UBR3: variants seen among roughly 807,000 people sequenced by gnomAD.
UBR3 encodes the protein E3 ubiquitin-protein ligase UBR3.
UBR3 carries 85 observed loss-of-function variants against 243.2 expected under a neutral mutation model. The observed-to-expected ratio is 0.35, with a 90% CI of 0.29 to 0.42. UBR3 has a LOEUF of 0.42. Among genes scored for constraint, UBR3 ranks in the 10% least tolerant of loss-of-function variants. UBR3 has a pLI of 1.00. For missense variants in UBR3, 1,686 were observed against 2,300.8 expected (o/e 0.73, Z 5.47); for synonymous variants, 748 against 799.8 (o/e 0.94, Z 1.09).
intron 24 of UBR3, among the ~76,000 whole-genome samples, chr2:169,977,259 G>C (rs374144881): frequency 6.6e-6 from 1 of 151,974 alleles, no homozygotes; most frequent in African/African-American, 2.4e-5. Context: ...AGAGAGATAC[G>C]AAGTTCAAAA....
intron 1 of UBR3, among the ~76,000 whole-genome samples, chr2:169,860,749 A>T (rs1052932065): frequency 1.8e-4 from 28 of 152,184 alleles, no homozygotes; most frequent in African/African-American, 6.8e-4. Context: ...AACTAATAGG[A>T]TATATGGATA....
chr2:169,881,187 T>C (rs891625759), intron 5 of UBR3, among the ~76,000 whole-genome samples: 1 of 152,258 alleles, frequency 6.6e-6, no homozygotes, highest in Middle Eastern at 3.4e-3. Context: ...TTTTTATTTA[T>C]TTATTTTTTT....
chr2:169,969,207 T>G (rs10202380), intron 24 of UBR3, among the ~76,000 whole-genome samples: 219 of 152,348 alleles, frequency 1.4e-3, no homozygotes, highest in African/African-American at 5.0e-3. Context: ...TAACCCCATT[T>G]ATCTATTTTT....
At chr2:169,976,930 A>C (rs577627962) in intron 24 of UBR3, among the ~76,000 whole-genome samples, 42 of 152,050 alleles carry the variant, frequency 2.8e-4, no homozygotes, top group African/African-American at 1.0e-3. Flanking sequence ...TTTCCCCCTC[A>C]AGTAATTTTA....
chr2:169,864,748 T>C (rs1048002898), intron 1 of UBR3, among the ~76,000 whole-genome samples: 1 of 150,900 alleles, frequency 6.6e-6, no homozygotes, highest in Admixed American at 6.6e-5. Context: ...CTAAAAAAAA[T>C]ACAAAAAAAT....
intron 38 of UBR3, 75 bp from the exon 39 acceptor site, chr2:170,081,650 GA>G (rs565228040): frequency 1.0e-5 from 12 of 1,158,484 alleles, no homozygotes; most frequent in South Asian, 3.6e-5. Context: ...GACTGTCTCA[GA>G]AAAAAAAGAA....
At chr2:169,990,203 CTT>C (rs2089209567) in intron 25 of UBR3, among the ~76,000 whole-genome samples, 1 of 152,108 alleles carries the variant, frequency 6.6e-6, no homozygotes, top group South Asian at 2.1e-4. Flanking sequence ...AAATTACAGA[CTT>C]TTGATTAGGA....
At chr2:169,937,339 C>A (rs981480190) in intron 19 of UBR3, among the ~76,000 whole-genome samples, 1 of 152,192 alleles carries the variant, frequency 6.6e-6, no homozygotes, top group Admixed American at 6.5e-5. Flanking sequence ...CCTTCGCCCA[C>A]TTTTTGATGG....
At chr2:169,973,446 C>T (rs2088271129) in intron 24 of UBR3, among the ~76,000 whole-genome samples, 1 of 151,222 alleles carries the variant, frequency 6.6e-6, no homozygotes, top group African/African-American at 2.4e-5. Context: ...AAAAAAGAGC[C>T]CGCATCGCCA....
intron 31 of UBR3, among the ~76,000 whole-genome samples, chr2:170,040,076 T>C (rs1350288930): frequency 6.6e-6 from 1 of 152,046 alleles, no homozygotes; most frequent in Admixed American, 6.6e-5. Flanking sequence ...TTATCTCTTT[T>C]TGAAACTTTG....
At chr2:169,994,721 AT>A (rs2089417553) in intron 26 of UBR3, among the ~76,000 whole-genome samples, 1 of 152,214 alleles carries the variant, frequency 6.6e-6, no homozygotes, top group Admixed American at 6.5e-5. Context: ...AGGTCCTTAA[AT>A]AACGTTGTTT....
intron 30 of UBR3, among the ~76,000 whole-genome samples, chr2:170,027,434 T>C (rs993271899): frequency 2.0e-5 from 3 of 151,688 alleles, no homozygotes; most frequent in African/African-American, 7.2e-5. Flanking sequence ...TCTACTAACA[T>C]TTTGAAAGTC....
At chr2:169,852,200 C>CA (rs1030078087) in intron 1 of UBR3, among the ~76,000 whole-genome samples, 1 of 152,196 alleles carries the variant, frequency 6.6e-6, no homozygotes, top group African/African-American at 2.4e-5. Context: ...ACCTTTGGAA[C>CA]AGTGACTCAG....
In UBR3 at chr2:169,914,166, A is replaced by C; in HGVS notation, c.1866+20A>C. 7.1e-7 allele frequency: 1 copy of C among 1,411,152 alleles called. No individual in the cohort carries two copies. Among genetic ancestry groups the C allele is most frequent in the Non-Finnish European group, 9.4e-7 (1 of 1,061,564 alleles). 87.4% of individuals were successfully genotyped at this position (1,411,152 alleles called of 1,614,324 possible). A position where few individuals can be genotyped will look rare whatever the true frequency, so the allele number is the denominator to read the frequency against. On this transcript the variant is annotated intron_variant, in intron 11 of 38. Coordinates refer to ENST00000272793, the MANE Select transcript of UBR3 (RefSeq NM_172070.4). ...GACGAGGTATGTATATTTTTGATGT[A>C]TGTAAATTTTTTGATGTATGTAAAG...
At chr2:170,073,652 T>C in intron 36 of UBR3, 45 bp downstream of exon 36, 1 of 1,577,928 alleles carries the variant, frequency 6.3e-7, no homozygotes, top group Non-Finnish European at 8.6e-7. Flanking sequence ...GGTGATATGC[T>C]AATAGGTAAG....
intron 1 of UBR3, among the ~76,000 whole-genome samples, chr2:169,851,455 A>C (rs1186842775): frequency 6.6e-6 from 1 of 152,174 alleles, no homozygotes; most frequent in Admixed American, 6.5e-5. Flanking sequence ...CCCAGATGCT[A>C]ATTTTCTATT....
chr2:169,897,419 C>T (rs1406463503), intron 8 of UBR3, among the ~76,000 whole-genome samples: 1 of 151,834 alleles, frequency 6.6e-6, no homozygotes, highest in Non-Finnish European at 1.5e-5. Context: ...TTAACTTTAC[C>T]TCCCTTAAAT....
chr2:169,969,957 T>G (rs63297861), intron 24 of UBR3, among the ~76,000 whole-genome samples: 1 of 92,460 alleles, frequency 1.1e-5, no homozygotes, highest in African/African-American at 4.1e-5. Flanking sequence ...TTTTTTTTTT[T>G]GGCTCAGGAT....
In UBR3 at chr2:169,827,729, G is replaced by T. The variant is rs376791917; in HGVS notation, c.222G>T (p.Ala74=). The T allele has an allele frequency of 1.7e-4, 212 of 1,235,068 alleles. 1 individual carries two copies. In the East Asian group the frequency reaches 4.0e-3, roughly 24 times the overall value. 76.5% of individuals were successfully genotyped at this position (1,235,068 alleles called of 1,614,324 possible). The change falls in exon 1 of 39, where the codon GCG becomes GCT. Residue 74 remains alanine (A), a synonymous_variant. Transcript: ENST00000272793. ...PLAAAAGGED[A]AAAGGGGGPG... ...CCGCGGCTGCCGGCGGCGAGGACGC[G>T]GCGGCGGCCGGAGGCGGGGGCGGTC...
Sources: gnomAD v4.1 joint callset for allele counts (sites outside exome capture counted in the v4.1 genomes callset) on GRCh38, gnomAD v4.1.1 for gene constraint, MANE v1.5 for transcripts, NCBI Gene and HGNC (gene_info 2026-07-23, HGNC 2026-07-21) for gene names.